Variants in CACNA2D3 observed in about 807,000 individuals in gnomAD.
CACNA2D3 encodes voltage-dependent calcium channel subunit alpha-2/delta-3.
A neutral mutation model predicts 160.6 loss-of-function variants in CACNA2D3; 60 were observed. The observed-to-expected ratio is 0.37, with a 90% CI of 0.30 to 0.46. The LOEUF is 0.46. Among genes scored for constraint, CACNA2D3 ranks in the 20% least tolerant of loss-of-function variants. The pLI, the probability that CACNA2D3 is intolerant of heterozygous loss-of-function variation, is 1.00. For synonymous variants in CACNA2D3, 558 were observed against 492.9 expected (o/e 1.13, Z -1.75); for missense variants, 1,205 against 1,365.0 (o/e 0.88, Z 1.85).
chr3:54,300,600 A>G (rs946561594), intron 2 of CACNA2D3, among the ~76,000 whole-genome samples: 1 of 152,140 alleles, frequency 6.6e-6, no homozygotes, highest in Non-Finnish European at 1.5e-5. Flanking sequence ...TGGGAAATTG[A>G]TATCTGATTA....
chr3:54,747,447 G>T (rs559455554), intron 11 of CACNA2D3, among the ~76,000 whole-genome samples: 4 of 152,234 alleles, frequency 2.6e-5, no homozygotes, highest in African/African-American at 9.6e-5. Context: ...AGAATTATAA[G>T]ATTATCATAG....
chr3:54,961,203 A>G (rs1246174832), intron 27 of CACNA2D3, among the ~76,000 whole-genome samples: 1 of 152,246 alleles, frequency 6.6e-6, no homozygotes, highest in Non-Finnish European at 1.5e-5. Context: ...CATGGTGCAC[A>G]AAGAAATAAA....
intron 3 of CACNA2D3, among the ~76,000 whole-genome samples, chr3:54,375,590 G>C (rs1698999478): frequency 6.6e-6 from 1 of 152,154 alleles, no homozygotes; most frequent in African/African-American, 2.4e-5. Context: ...GTAGTGGTCT[G>C]GGGCCAGAAA....
rs1213456388 is a variant in CACNA2D3, at chr3:54,885,302, C to T, written c.1934C>T (p.Pro645Leu). 1 of 1,613,768 alleles carries T rather than the reference C, an allele frequency of 6.2e-7. No individual in the cohort carries two copies. Among genetic ancestry groups the T allele is most frequent in the Non-Finnish European group, 8.5e-7 (1 of 1,179,846 alleles). ...CCAGGCCTGCATGACTTAGAACATC[C>T]CGATGTGTCCTTGGCAGATGAATGG... ...IEEGLHDLEH[P>L]DVSLADEWSY... Residue 645 changes from proline to leucine, a missense_variant, in exon 22 of 38, where the codon CCC becomes CTC. Transcript: ENST00000474759.
At chr3:55,007,063 G>A (rs1703112801) in intron 32 of CACNA2D3, among the ~76,000 whole-genome samples, 1 of 152,192 alleles carries the variant, frequency 6.6e-6, no homozygotes, top group African/African-American at 2.4e-5. Context: ...AGAACCAACT[G>A]AGGGGGAGAC....
In CACNA2D3 at chr3:54,386,712, T is replaced by A. The variant is rs947511576; in HGVS notation, c.322-3T>A. ...GTCTTCTGTTTTTTTTTTTTTTTTT[T>A]AGCGTCTGGTGGAGGCTGCAGAAGA... On this transcript the variant is annotated splice_region_variant and splice_polypyrimidine_tract_variant and intron_variant, in intron 3 of 37. Coordinates refer to ENST00000474759, the MANE Select transcript of CACNA2D3 (RefSeq NM_018398.3). 2 of 1,540,324 alleles carry A rather than the reference T, an allele frequency of 1.3e-6. No individual in the cohort carries two copies. Among genetic ancestry groups the A allele is most frequent in the South Asian group, 1.2e-5 (1 of 81,828 alleles).
intron 4 of CACNA2D3, among the ~76,000 whole-genome samples, chr3:54,471,660 T>C (rs182068434): frequency 4.9e-4 from 75 of 151,584 alleles, no homozygotes; most frequent in Non-Finnish European, 7.4e-4. Flanking sequence ...CTAGCCAGAC[T>C]AATAAATAAG....
At chr3:55,025,424 G>T (rs1443399918) in intron 35 of CACNA2D3, among the ~76,000 whole-genome samples, 1 of 151,930 alleles carries the variant, frequency 6.6e-6, no homozygotes, top group Non-Finnish European at 1.5e-5. Flanking sequence ...TTGAGGTCAG[G>T]AGTTCGAGCC....
chr3:54,721,477 T>C (rs1047437443), intron 11 of CACNA2D3, among the ~76,000 whole-genome samples: 31 of 152,282 alleles, frequency 2.0e-4, no homozygotes, highest in African/African-American at 7.2e-4. Flanking sequence ...ATATGTTCTG[T>C]TGACTGGGCA....
At chr3:54,836,587 A>G (rs1325515387) in intron 14 of CACNA2D3, among the ~76,000 whole-genome samples, 3 of 152,164 alleles carry the variant, frequency 2.0e-5, no homozygotes, top group African/African-American at 7.2e-5. Context: ...TGATTTTAGA[A>G]GTCAGATAAT....
chr3:54,681,569 A>G (rs1230071449), intron 11 of CACNA2D3, among the ~76,000 whole-genome samples: 2 of 151,770 alleles, frequency 1.3e-5, no homozygotes, highest in Non-Finnish European at 2.9e-5. Flanking sequence ...AAAAAAAAAA[A>G]AAAGAATAGT....
At position 54,122,609 on chromosome 3, in the gene CACNA2D3, G is replaced by A. The variant is rs1028486129; in HGVS notation, c.-105G>A. On this transcript the variant is annotated 5_prime_UTR_variant, in exon 1 of 38. Transcript: ENST00000474759. ...GCGCGAGAGGCAGGCGGGGCGGCGC[G>A]GAGCGGAGCAGGCAGCCCCGCGCGC... 4.2e-6 allele frequency: 3 copies of A among 716,424 alleles called. No individual in the cohort carries two copies. Among genetic ancestry groups the A allele is most frequent in the Non-Finnish European group, 5.1e-6 (3 of 589,710 alleles). The allele number at this position is 716,424 out of a possible 1,614,324, so 44.4% of individuals were successfully genotyped here.
chr3:54,894,052 T>A (rs1241839536), intron 25 of CACNA2D3, among the ~76,000 whole-genome samples: 1 of 152,140 alleles, frequency 6.6e-6, no homozygotes, highest in Non-Finnish European at 1.5e-5. Context: ...ATTGTTCCCA[T>A]TTTGTAGATG....
At chr3:54,695,322 A>G (rs967018914) in intron 11 of CACNA2D3, among the ~76,000 whole-genome samples, 2 of 152,012 alleles carry the variant, frequency 1.3e-5, no homozygotes, top group African/African-American at 4.8e-5. Flanking sequence ...CTGGCTGAAA[A>G]TATTTTATGA....
At chr3:54,855,549 GAA>G (rs1699150605) in intron 17 of CACNA2D3, among the ~76,000 whole-genome samples, 1 of 152,008 alleles carries the variant, frequency 6.6e-6, no homozygotes. Context: ...TGCCAGGAAA[GAA>G]AGAGAGAAAG....
rs544687900 is a variant in CACNA2D3, at chr3:54,231,217, C to T, written c.205-89225C>T. Among the ~76,000 whole-genome samples, 14 of 152,198 alleles carry T rather than the reference C, an allele frequency of 9.2e-5. No individual in the cohort carries two copies. The South Asian group carries it at 2.7e-3, about 29-fold the overall frequency. On this transcript the variant is annotated intron_variant, in intron 2 of 37. Transcript: ENST00000474759. ...TGGGTGGCTCAAATGTTATTACTGC[C>T]GCATGTCTGAGTGTTTCTGTTTGGT... is the stretch of plus-strand genomic sequence containing the variant.
intron 2 of CACNA2D3, among the ~76,000 whole-genome samples, chr3:54,134,020 G>C (rs1444031555): frequency 3.3e-5 from 5 of 152,152 alleles, no homozygotes; most frequent in African/African-American, 1.2e-4. Flanking sequence ...GTAAATTTTA[G>C]CTTCTCTGTT....
At chr3:55,068,936 G>A (rs76140763) in intron 35 of CACNA2D3, among the ~76,000 whole-genome samples, 3,511 of 152,228 alleles carry the variant, frequency 0.023, 128 homozygotes, top group African/African-American at 0.077. Context: ...TGTCCTCATA[G>A]TAGCTATAAG....
Position 54,879,013 on chromosome 3 carries a change from T to C in CACNA2D3, c.1711-5T>C. 1 of 1,588,290 alleles carries C rather than the reference T, an allele frequency of 6.3e-7. No individual in the cohort carries two copies. Among genetic ancestry groups the C allele is most frequent in the Non-Finnish European group, 8.6e-7 (1 of 1,166,168 alleles). On this transcript the variant is annotated splice_polypyrimidine_tract_variant and splice_region_variant and intron_variant, in intron 18 of 37. Coordinates refer to ENST00000474759, the MANE Select transcript of CACNA2D3 (RefSeq NM_018398.3). ...AACTAACACACTTTTCTTTTATCAT[T>C]TTAGTTGAGAAATGCTATGGTGAAT...
Sources: gnomAD v4.1 joint callset for allele counts (sites outside exome capture counted in the v4.1 genomes callset) on GRCh38, gnomAD v4.1.1 for gene constraint, MANE v1.5 for transcripts, NCBI Gene and HGNC (gene_info 2026-07-23, HGNC 2026-07-21) for gene names.